The following INPP4B variants were observed in gnomAD, a reference collection of about 807,000 sequenced individuals.
The protein encoded by INPP4B is inositol polyphosphate 4-phosphatase type II.
In INPP4B, 55 loss-of-function variants were observed where a neutral mutation model predicts 122.5. The ratio of observed to expected loss-of-function variants is 0.45; its 90% CI spans 0.36 to 0.56. The LOEUF is 0.56. Among genes scored for constraint, INPP4B ranks in the 20% least tolerant of loss-of-function variants. INPP4B has a pLI of 0.00. For missense variants in INPP4B, 1,000 were observed against 1,097.7 expected (o/e 0.91, Z 1.26); for synonymous variants, 403 against 388.7 (o/e 1.04, Z -0.43).
intron 11 of INPP4B, among the ~76,000 whole-genome samples, chr4:142,256,724 AC>A (rs1736341917): frequency 2.0e-5 from 3 of 152,314 alleles, no homozygotes; most frequent in African/African-American, 7.2e-5. Flanking sequence ...TAGCTTACCA[AC>A]CAAAAAGAGT....
chr4:142,738,499 C>A (rs150950293), intron 1 of INPP4B, among the ~76,000 whole-genome samples: 4,122 of 151,864 alleles, frequency 0.027, 77 homozygotes, highest in Middle Eastern at 0.095. Flanking sequence ...TAGGAGATAC[C>A]CCTAATGTTA....
chr4:142,566,989 A>C (rs1330804105), intron 2 of INPP4B, among the ~76,000 whole-genome samples: 4 of 152,196 alleles, frequency 2.6e-5, no homozygotes, highest in African/African-American at 4.8e-5. Context: ...TGACTGTCAG[A>C]GCCTGGTCCA....
At chr4:142,537,429 T>TATATATATATATATATAGAGAGAGAGAG (rs1200701380) in intron 2 of INPP4B, among the ~76,000 whole-genome samples, 1 of 25,486 alleles carries the variant, frequency 3.9e-5, no homozygotes, top group Non-Finnish European at 9.2e-5. Flanking sequence ...TATATATATA[T>TATATATATATATATATAGAGAGAGAGAG]AGAGAGAGAG....
intron 7 of INPP4B, among the ~76,000 whole-genome samples, chr4:142,327,963 A>T (rs547394834): frequency 6.6e-6 from 1 of 152,294 alleles, no homozygotes; most frequent in East Asian, 1.9e-4. Context: ...CTGAAGTCAC[A>T]GCAAAAGTCT....
chr4:142,137,137 C>T (rs1429538647), intron 18 of INPP4B, among the ~76,000 whole-genome samples: 2 of 152,196 alleles, frequency 1.3e-5, no homozygotes, highest in African/African-American at 2.4e-5. Context: ...TCAAACTATA[C>T]TACAAGGCTA....
At chr4:142,264,842 C>A (rs1346238418) in intron 10 of INPP4B, among the ~76,000 whole-genome samples, 1 of 152,126 alleles carries the variant, frequency 6.6e-6, no homozygotes, top group East Asian at 1.9e-4. Flanking sequence ...ATGGAGGTAA[C>A]TAAGATTAAA....
At chr4:142,607,898 T>C (rs1159658563) in intron 2 of INPP4B, among the ~76,000 whole-genome samples, 1 of 152,146 alleles carries the variant, frequency 6.6e-6, no homozygotes, top group Admixed American at 6.6e-5. Flanking sequence ...TCAACATGAA[T>C]GGTTATATTC....
At chr4:142,588,430 A>T (rs953924100) in intron 2 of INPP4B, among the ~76,000 whole-genome samples, 4 of 151,820 alleles carry the variant, frequency 2.6e-5, no homozygotes, top group African/African-American at 9.7e-5. Context: ...CAAGAACAAT[A>T]AACTATGGAG....
rs1053244116 is a variant in INPP4B, at chr4:142,023,329, T to A, written c.*5453A>T. ...ATACACATTATTGATTCATCTAAAA[T>A]ACATATATAACATAAAAAGAAAACA... is the stretch of plus-strand genomic sequence containing the variant. On this transcript the variant is annotated 3_prime_UTR_variant, in exon 26 of 26. Coordinates refer to ENST00000262992, the MANE Select transcript of INPP4B (RefSeq NM_001101669.3). 6.6e-6 allele frequency: 1 copy of A among 152,032 alleles called. No homozygotes were observed. The highest frequency in any genetic ancestry group is 2.4e-5 in the African/African-American group (1 of 41,412). 9.4% of individuals were successfully genotyped at this position (152,032 alleles called of 1,614,324 possible).
Position 142,208,951 on chromosome 4 carries a change from A to G in INPP4B, c.912T>C (p.Cys304=), listed in dbSNP as rs779969924. 1 of 1,604,762 alleles carries G rather than the reference A, an allele frequency of 6.2e-7. No individual in the cohort carries two copies. The highest frequency in any genetic ancestry group is 8.5e-7 in the Non-Finnish European group (1 of 1,174,026). The change falls in exon 13 of 26, where the codon TGT becomes TGC. Residue 304 remains cysteine (C), a synonymous_variant. Transcript: ENST00000262992. ...CTTGGTACATATTCACCATTTGATC[A>G]CAGTGAGTAAGGACATTTTTTCGCA... ...DNLRKNVLTH[C]DQMVNMYQDI... is the part of the protein sequence containing the mutation.
intron 2 of INPP4B, among the ~76,000 whole-genome samples, chr4:142,721,652 C>T (rs112448806): frequency 0.023 from 3,445 of 152,230 alleles, 59 homozygotes; most frequent in Middle Eastern, 0.095. Flanking sequence ...GAAACCCCGT[C>T]TCTACTAAAA....
chr4:142,469,193 G>A (rs1186395413), intron 2 of INPP4B, among the ~76,000 whole-genome samples: 2 of 151,498 alleles, frequency 1.3e-5, no homozygotes, highest in African/African-American at 4.8e-5. Flanking sequence ...AGGATGCAAG[G>A]TAAATTTGCA....
intron 2 of INPP4B, among the ~76,000 whole-genome samples, chr4:142,641,833 G>A (rs1318738158): frequency 1.3e-5 from 2 of 152,074 alleles, no homozygotes; most frequent in Non-Finnish European, 2.9e-5. Context: ...GATCCCTGAG[G>A]AATCACCACA....
intron 7 of INPP4B, among the ~76,000 whole-genome samples, chr4:142,365,213 T>G (rs927541261): frequency 6.6e-6 from 1 of 152,218 alleles, no homozygotes; most frequent in South Asian, 2.1e-4. Flanking sequence ...CCTAGTCAGC[T>G]GGGAGGAGGA....
intron 11 of INPP4B, among the ~76,000 whole-genome samples, chr4:142,252,542 T>C (rs978023920): frequency 1.3e-5 from 2 of 152,178 alleles, no homozygotes; most frequent in Admixed American, 1.3e-4. Context: ...TAAAAATTGG[T>C]TCCATAATTT....
intron 2 of INPP4B, among the ~76,000 whole-genome samples, chr4:142,506,012 T>C (rs936045799): frequency 1.2e-4 from 18 of 152,206 alleles, no homozygotes; most frequent in Admixed American, 3.9e-4. Context: ...AAATGTATGT[T>C]CTATTTTCCC....
chr4:142,246,080 T>A (rs865821793), intron 11 of INPP4B, among the ~76,000 whole-genome samples: 5 of 128,364 alleles, frequency 3.9e-5, no homozygotes, highest in African/African-American at 1.5e-4. Context: ...TATACACACA[T>A]TATATATATG....
At chr4:142,578,117 T>C (rs2150187003) in intron 2 of INPP4B, among the ~76,000 whole-genome samples, 1 of 152,052 alleles carries the variant, frequency 6.6e-6, no homozygotes, top group African/African-American at 2.4e-5. Flanking sequence ...GAGAAGTTTG[T>C]CTGCCATATA....
In INPP4B at chr4:142,124,633, C is replaced by G. The variant is rs147919355; in HGVS notation, c.1848G>C (p.Gln616His). 9.2e-5 allele frequency: 149 copies of G among 1,613,518 alleles called. No individual in the cohort carries two copies. In the African/African-American group the frequency reaches 2.0e-3, roughly 21 times the overall value. The change falls in exon 19 of 26, where the codon CAG becomes CAC. Residue 616 changes from glutamine to histidine, a missense_variant. Coordinates refer to ENST00000262992, the MANE Select transcript of INPP4B (RefSeq NM_001101669.3). ...LLQELAYSLP[Q>H]CLMLTLRRDI... is the part of the protein sequence containing the mutation. Reference sequence around the variant, plus strand: ...CTCTTCTTAGCGTCAGCATCAGACACTGGGGCAAGCTGTACGCAAGTTCCT... The same window carrying G: ...CTCTTCTTAGCGTCAGCATCAGACAGTGGGGCAAGCTGTACGCAAGTTCCT...
Sources: allele counts gnomAD v4.1 joint callset (sites outside exome capture counted in the v4.1 genomes callset), GRCh38; gene constraint gnomAD v4.1.1; transcripts MANE v1.5; gene names NCBI Gene and HGNC (gene_info 2026-07-23, HGNC 2026-07-21).